The following SORCS2 variants were observed in gnomAD, a reference collection of about 807,000 sequenced individuals.
SORCS2 encodes the protein sortilin related VPS10 domain containing receptor 2, also known as VPS10 domain-containing receptor SorCS2.
Under a neutral mutation model 141.6 loss-of-function variants are expected in SORCS2, and 100 were observed. The ratio of observed to expected loss-of-function variants is 0.71; its 90% CI spans 0.60 to 0.83. SORCS2 has a LOEUF of 0.83. Ranked by LOEUF, SORCS2 falls within the 40% of genes least tolerant of loss-of-function variation. The pLI is 0.00. For missense variants in SORCS2, 1,646 were observed against 1,560.2 expected, an observed-to-expected ratio of 1.05 and a Z score of -0.93; for synonymous variants, 789 against 676.9, an observed-to-expected ratio of 1.17 and a Z score of -2.57.
chr4:7,678,186 G>A (rs1343861204), intron 9 of SORCS2, among the ~76,000 whole-genome samples: 1 of 152,196 alleles, frequency 6.6e-6, no homozygotes, highest in Non-Finnish European at 1.5e-5. Flanking sequence ...CGGTTGGCCA[G>A]CCTGGGGCAG....
At chr4:7,275,980 G>C (rs1034950142) in intron 1 of SORCS2, among the ~76,000 whole-genome samples, 57 of 152,334 alleles carry the variant, frequency 3.7e-4, no homozygotes, top group African/African-American at 1.3e-3. Context: ...GGCTTGGAGA[G>C]TGTGAGACGG....
Position 7,337,797 on chromosome 4 carries a change from G to A in SORCS2, c.481-58491G>A, listed in dbSNP as rs532705422. Among the ~76,000 whole-genome samples, 19 of 152,314 alleles carry A rather than the reference G, an allele frequency of 1.2e-4. No homozygotes were observed. The East Asian group carries it at 2.3e-3, about 19-fold the overall frequency. On this transcript the variant is annotated intron_variant, in intron 1 of 26. Coordinates refer to ENST00000507866, the MANE Select transcript of SORCS2 (RefSeq NM_020777.3). ...GGGTTTGTCTGGCCACCTGTGAGCC[G>A]GCCCTGTGCCTTCCACCTGCACCTT...
chr4:7,425,764 A>G (rs1016240592), intron 2 of SORCS2, among the ~76,000 whole-genome samples: 2 of 152,216 alleles, frequency 1.3e-5, no homozygotes, highest in East Asian at 1.9e-4. Flanking sequence ...GAGTTCTCAC[A>G]TGACCAGCCT....
At chr4:7,667,262 A>T (rs752721360) in intron 8 of SORCS2, 49 bp downstream of exon 8, 5 of 1,544,300 alleles carry the variant, frequency 3.2e-6, no homozygotes, top group Non-Finnish European at 4.5e-6. Flanking sequence ...CCCTAAGCTT[A>T]TCCTGACTCA....
chr4:7,574,554 CAG>C (rs1310709403), intron 3 of SORCS2, among the ~76,000 whole-genome samples: 20 of 148,472 alleles, frequency 1.3e-4, no homozygotes, highest in Admixed American at 3.4e-4. Flanking sequence ...AGGAGAGAGA[CAG>C]GGGGAAGGAG....
rs548267416 is a variant in SORCS2, at chr4:7,527,432, G to A, written c.549-4098G>A. Reference sequence around the variant, plus strand: ...CGGCGCTGTGACGGGAGGCTGTGACGGGAAGCAGAGTGGAGCGATAGACTC... The same window carrying A: ...CGGCGCTGTGACGGGAGGCTGTGACAGGAAGCAGAGTGGAGCGATAGACTC... On this transcript the variant is annotated intron_variant, in intron 2 of 26. Transcript: ENST00000507866. Among the ~76,000 whole-genome samples the A allele has an allele frequency of 4.6e-5, 7 of 152,370 alleles. No homozygotes were observed. In the South Asian group the frequency reaches 8.3e-4, roughly 18 times the overall value.
At chr4:7,460,600 G>T (rs1481479309) in intron 2 of SORCS2, among the ~76,000 whole-genome samples, 1 of 152,230 alleles carries the variant, frequency 6.6e-6, no homozygotes, top group Non-Finnish European at 1.5e-5. Context: ...GTGTCTGTGG[G>T]AACAGCTGCA....
chr4:7,417,725 C>G (rs1274586916), intron 2 of SORCS2, among the ~76,000 whole-genome samples: 1 of 152,232 alleles, frequency 6.6e-6, no homozygotes, highest in Non-Finnish European at 1.5e-5. Flanking sequence ...GTGCACTCCT[C>G]TGGTCCCTGC....
intron 3 of SORCS2, among the ~76,000 whole-genome samples, chr4:7,576,763 A>G (rs547337693): frequency 1.3e-5 from 2 of 152,302 alleles, no homozygotes; most frequent in South Asian, 4.1e-4. Context: ...TGTCATAGAC[A>G]GCAAAGGGCT....
At chr4:7,629,991 C>T (rs1719775896) in intron 3 of SORCS2, among the ~76,000 whole-genome samples, 12 of 152,224 alleles carry the variant, frequency 7.9e-5, no homozygotes, top group Admixed American at 7.9e-4. Flanking sequence ...CATCTGCCCT[C>T]TCCCCTCCAG....
chr4:7,603,040 T>G (rs2108796643), intron 3 of SORCS2, among the ~76,000 whole-genome samples: 1 of 152,222 alleles, frequency 6.6e-6, no homozygotes, highest in African/African-American at 2.4e-5. Flanking sequence ...GCGCCTGCAA[T>G]CGCAGGCACT....
chr4:7,641,360 A>C (rs191252029), intron 4 of SORCS2, among the ~76,000 whole-genome samples: 2 of 152,194 alleles, frequency 1.3e-5, no homozygotes, highest in East Asian at 3.9e-4. Context: ...CAAGTTGGGA[A>C]ATGCAAAATA....
chr4:7,613,700 G>A (rs1230799295), intron 3 of SORCS2, among the ~76,000 whole-genome samples: 1 of 152,102 alleles, frequency 6.6e-6, no homozygotes, highest in Non-Finnish European at 1.5e-5. Context: ...AGTGTAAGCT[G>A]CTACTGAATG....
intron 1 of SORCS2, among the ~76,000 whole-genome samples, chr4:7,322,975 T>TTA (rs917324566): frequency 6.6e-6 from 1 of 151,678 alleles, no homozygotes; most frequent in African/African-American, 2.4e-5. Flanking sequence ...CCTGCCCGTT[T>TTA]TTTATCTTTT....
At chr4:7,437,782 A>G (rs1727405048) in intron 2 of SORCS2, among the ~76,000 whole-genome samples, 5 of 152,078 alleles carry the variant, frequency 3.3e-5, no homozygotes. Context: ...GAAGGGTACA[A>G]GGCACTCCCG....
At chr4:7,497,971 T>C (rs1340424187) in intron 2 of SORCS2, among the ~76,000 whole-genome samples, 3 of 152,238 alleles carry the variant, frequency 2.0e-5, no homozygotes, top group African/African-American at 7.2e-5. Flanking sequence ...AAGCGGGTGA[T>C]GGAGAAGGAA....
At chr4:7,665,189 C>T (rs764818032) in intron 7 of SORCS2, among the ~76,000 whole-genome samples, 1 of 152,206 alleles carries the variant, frequency 6.6e-6, no homozygotes, top group Non-Finnish European at 1.5e-5. Context: ...AGAAGGGCCT[C>T]CGTGCTTCCC....
At chr4:7,501,617 T>G (rs1577665720) in intron 2 of SORCS2, among the ~76,000 whole-genome samples, 1 of 152,200 alleles carries the variant, frequency 6.6e-6, no homozygotes, top group Non-Finnish European at 1.5e-5. Context: ...TCGCACCCGG[T>G]CTTCCTGTGT....
intron 3 of SORCS2, among the ~76,000 whole-genome samples, chr4:7,604,312 A>G (rs1560420251): frequency 6.6e-6 from 1 of 152,036 alleles, no homozygotes; most frequent in East Asian, 1.9e-4. Flanking sequence ...CACTATGGTG[A>G]TGTTTGTTTG....
Sources: allele counts gnomAD v4.1 joint callset (sites outside exome capture counted in the v4.1 genomes callset), GRCh38; gene constraint gnomAD v4.1.1; transcripts MANE v1.5; gene names NCBI Gene and HGNC (gene_info 2026-07-23, HGNC 2026-07-21).